Variants in MEP1A observed in about 807,000 individuals in gnomAD.
MEP1A encodes the protein meprin A subunit alpha, also known as N-benzoyl-L-tyrosyl-P-amino-benzoic acid hydrolase subunit alpha.
A neutral mutation model predicts 84.5 loss-of-function variants in MEP1A; 68 were observed. The observed-to-expected ratio is 0.80, with a 90% CI of 0.66 to 0.98. MEP1A has a LOEUF of 0.98. Among genes scored for constraint, MEP1A ranks in the 50% least tolerant of loss-of-function variants. MEP1A has a pLI of 0.00. For missense variants in MEP1A, 887 were observed against 919.9 expected, an observed-to-expected ratio of 0.96 and a Z score of 0.46; for synonymous variants, 337 against 336.8, an observed-to-expected ratio of 1.00 and a Z score of -0.01.
intron 3 of MEP1A, among the ~76,000 whole-genome samples, chr6:46,796,294 C>T (rs1767050274): frequency 6.6e-6 from 1 of 152,164 alleles, no homozygotes; most frequent in African/African-American, 2.4e-5. Context: ...GCTTTCCTGT[C>T]ACAGGACCTT....
At chr6:46,841,206 G>A (rs1768325739), downstream of MEP1A, among the ~76,000 whole-genome samples, 1 of 152,198 alleles carries the variant, frequency 6.6e-6, no homozygotes, top group African/African-American at 2.4e-5. Flanking sequence ...ATAATGATAA[G>A]GAGGTACCAG....
At chr6:46,822,750 G>A (rs978350492) in intron 7 of MEP1A, among the ~76,000 whole-genome samples, 3 of 152,118 alleles carry the variant, frequency 2.0e-5, no homozygotes, top group African/African-American at 7.2e-5. Flanking sequence ...TCACCATGTG[G>A]ACCAGGCTGG....
chr6:46,817,474 C>T (rs1422329987), intron 6 of MEP1A, among the ~76,000 whole-genome samples: 1 of 152,136 alleles, frequency 6.6e-6, no homozygotes, highest in Non-Finnish European at 1.5e-5. Context: ...CATTTTAGGG[C>T]CTCTCTGCTT....
chr6:46,801,279 A>G (rs1172532172), intron 5 of MEP1A, among the ~76,000 whole-genome samples: 2 of 152,086 alleles, frequency 1.3e-5, no homozygotes, highest in Non-Finnish European at 2.9e-5. Context: ...CCTCGCTAAT[A>G]TTGATAGCAT....
chr6:46,809,517 C>A lies in MEP1A; in HGVS notation c.360C>A (p.Ile120=). Residue 120 remains isoleucine (I), a synonymous_variant, in exon 6 of 14, where the codon ATC becomes ATA. Transcript: ENST00000230588. ...CCTATGAAGGAGAGAGCTCATATAT[C>A]ATATTTCAACAGTTTGATGGGTTGG... is the stretch of plus-strand genomic sequence containing the variant. The part of the protein sequence containing the change: ...FKPYEGESSY[I]IFQQFDGCWS... 6.2e-7 allele frequency: 1 copy of A among 1,601,888 alleles called. No homozygotes were observed. The highest frequency in any genetic ancestry group is 1.3e-5 in the African/African-American group (1 of 74,616).
chr6:46,843,688 C>CTTTCCTGCAGGGAA (rs1768371720), downstream of MEP1A, among the ~76,000 whole-genome samples: 1 of 152,180 alleles, frequency 6.6e-6, no homozygotes, highest in African/African-American at 2.4e-5. Flanking sequence ...AGGCTGTATA[C>CTTTCCTGCAGGGAA]AGTGTATTTC....
At chr6:46,824,895 A>G (rs1339002985) in intron 7 of MEP1A, among the ~76,000 whole-genome samples, 1 of 74,274 alleles carries the variant, frequency 1.3e-5, no homozygotes, top group African/African-American at 1.1e-4. Context: ...TATATAAATT[A>G]TATATATAAA....
chr6:46,839,821 G>A (rs904103535), downstream of MEP1A: 3 of 152,170 alleles, frequency 2.0e-5, no homozygotes, highest in African/African-American at 7.2e-5. Context: ...GGGTGTGCAT[G>A]TGTGTGTTGA....
chr6:46,800,123 T>C lies in MEP1A; in HGVS notation c.262+942T>C, dbSNP rs374746531. Among the ~76,000 whole-genome samples, 28 of 152,342 alleles carry C rather than the reference T, an allele frequency of 1.8e-4. No individual in the cohort carries two copies. In the South Asian group the frequency reaches 3.9e-3, roughly 21 times the overall value. On this transcript the variant is annotated intron_variant, in intron 5 of 13. Coordinates refer to ENST00000230588, the MANE Select transcript of MEP1A (RefSeq NM_005588.3). ...GAGTTGTTTTCTCCAGTGTTTGCCT[T>C]GCAAATTCACGGAACATCAATACTT... is the stretch of plus-strand genomic sequence containing the variant.
At chr6:46,812,329 G>T (rs968397813) in intron 6 of MEP1A, among the ~76,000 whole-genome samples, 2 of 151,778 alleles carry the variant, frequency 1.3e-5, no homozygotes, top group African/African-American at 4.8e-5. Flanking sequence ...CTCCCATTTT[G>T]TTTCTAATTG....
At chr6:46,834,435 A>ATATTTATTTATTTATTTATT (rs58902344) in intron 11 of MEP1A, 143 bp from the exon 12 acceptor site, 1 of 200,636 alleles carries the variant, frequency 5.0e-6, no homozygotes, top group Non-Finnish European at 9.2e-6. Context: ...TTTTATTTTT[A>ATATTTATTTATTTATTTATT]TATTTATTTA....
At chr6:46,837,468 A>G (rs1768239444) in intron 13 of MEP1A, among the ~76,000 whole-genome samples, 1 of 152,222 alleles carries the variant, frequency 6.6e-6, no homozygotes, top group Non-Finnish European at 1.5e-5. Context: ...CCATAGAATC[A>G]ATCACTCTTC....
chr6:46,843,737 T>C (rs2150761645), downstream of MEP1A, among the ~76,000 whole-genome samples: 1 of 152,344 alleles, frequency 6.6e-6, no homozygotes, highest in South Asian at 2.1e-4. Context: ...CAGATGGATC[T>C]CACACCTTCC....
In MEP1A at chr6:46,825,445, G is replaced by T. The variant is rs1391772299; in HGVS notation, c.730G>T (p.Asp244Tyr). 5.6e-6 allele frequency: 9 copies of T among 1,613,714 alleles called. No homozygotes were observed. Among genetic ancestry groups the T allele is most frequent in the Non-Finnish European group, 7.6e-6 (9 of 1,179,848 alleles). The change falls in exon 8 of 14, where the codon GAT (aspartate) becomes TAT (tyrosine). Residue 244 changes from aspartate (D) to tyrosine (Y), a missense_variant. Asp to Tyr is a radical substitution (Grantham distance 160). Transcript: ENST00000230588. ...EFNSIIGQRL[D>Y]FSAIDLERLN... ...TAACTCCATTATCGGACAGCGCCTG[G>T]ATTTCAGTGCCATTGATTTAGAGAG...
downstream of MEP1A, among the ~76,000 whole-genome samples, chr6:46,841,930 G>A (rs776003044): frequency 2.6e-5 from 4 of 152,194 alleles, no homozygotes; most frequent in Non-Finnish European, 4.4e-5. Flanking sequence ...AGCTGGAGCC[G>A]CAGCAGAAGA....
chr6:46,825,737 C>T (rs975795779), intron 8 of MEP1A, among the ~76,000 whole-genome samples: 8 of 152,134 alleles, frequency 5.3e-5, no homozygotes, highest in African/African-American at 1.9e-4. Context: ...AAAACTATAA[C>T]AGCAACCTTA....
At chr6:46,829,604 G>C in intron 10 of MEP1A, 33 bp downstream of exon 10, 1 of 1,523,734 alleles carries the variant, frequency 6.6e-7, no homozygotes, top group Non-Finnish European at 9.1e-7. Context: ...GGAATGGATT[G>C]GGTTAAAATC....
chr6:46,821,980 T>G (rs552674455), intron 7 of MEP1A, among the ~76,000 whole-genome samples: 3 of 152,220 alleles, frequency 2.0e-5, no homozygotes, highest in Non-Finnish European at 4.4e-5. Context: ...ATAACAAGCT[T>G]TCTGTTTAAC....
chr6:46,809,331 G>A (rs1043763424), intron 5 of MEP1A, 89 bp from the exon 6 acceptor site: 3 of 793,316 alleles, frequency 3.8e-6, no homozygotes, highest in African/African-American at 3.5e-5. Flanking sequence ...TGGATTTAAT[G>A]TGGCAGCATG....
Sources: allele counts gnomAD v4.1 joint callset (sites outside exome capture counted in the v4.1 genomes callset), GRCh38; gene constraint gnomAD v4.1.1; transcripts MANE v1.5; gene names NCBI Gene and HGNC (gene_info 2026-07-23, HGNC 2026-07-21).